The following RAB2A variants were observed in gnomAD, a reference collection of about 807,000 sequenced individuals.
RAB2A encodes RAB2A, member RAS oncogene family.
Under a neutral mutation model 32.5 loss-of-function variants are expected in RAB2A, and 7 were observed. The ratio of observed to expected loss-of-function variants is 0.22; its 90% CI spans 0.12 to 0.40. RAB2A has a LOEUF of 0.40. Ranked by LOEUF, RAB2A falls within the 10% of genes least tolerant of loss-of-function variation. The probability of loss-of-function intolerance (pLI) is 1.00; values close to 1 mark genes in which losing one functional copy is unlikely to be tolerated. For missense variants in RAB2A, 108 were observed against 260.7 expected, an observed-to-expected ratio of 0.41 and a Z score of 4.03; for synonymous variants, 79 against 85.2, an observed-to-expected ratio of 0.93 and a Z score of 0.40.
chr8:60,576,441 C>A lies in RAB2A; in HGVS notation c.186+4328C>A, dbSNP rs1316275223. The A allele has an allele frequency of 1.5e-5, 5 of 329,144 alleles. No homozygotes were observed. The Admixed American group carries it at 1.6e-4, about 10-fold the overall frequency. 20.4% of individuals were successfully genotyped at this position (329,144 alleles called of 1,614,324 possible). ...AATACATTTGATTTCCCAGCCCCTCCAAAAAAAATTGTAATATGGATGTTT... is the reference window on the plus strand; with the variant it reads ...AATACATTTGATTTCCCAGCCCCTCAAAAAAAAATTGTAATATGGATGTTT... On this transcript the variant is annotated intron_variant, in intron 3 of 7. Transcript: ENST00000262646.
chr8:60,531,889 G>A (rs547705725), intron 1 of RAB2A, among the ~76,000 whole-genome samples: 21 of 149,322 alleles, frequency 1.4e-4, no homozygotes, highest in Middle Eastern at 3.5e-3. Flanking sequence ...TGCAACCTCT[G>A]CCTCCTGGGT....
At chr8:60,519,149 ACTGTTATAGT>A (rs1369610207) in intron 1 of RAB2A, among the ~76,000 whole-genome samples, 2 of 3,700 alleles carry the variant, frequency 5.4e-4, no homozygotes, top group Non-Finnish European at 7.9e-4. Context: ...AATTCTTGAC[ACTGTTATAGT>A]CTGCAGCAGT....
chr8:60,574,267 G>C (rs1808237579), intron 3 of RAB2A, among the ~76,000 whole-genome samples: 1 of 152,142 alleles, frequency 6.6e-6, no homozygotes, highest in South Asian at 2.1e-4. Flanking sequence ...CACTGTCATA[G>C]CTTTTTGTTT....
chr8:60,548,038 G>A (rs1282445679), intron 1 of RAB2A, among the ~76,000 whole-genome samples: 2 of 12,428 alleles, frequency 1.6e-4, no homozygotes, highest in Non-Finnish European at 5.2e-4. Flanking sequence ...CGGACGGGGC[G>A]GCTGGCCGGG....
intron 6 of RAB2A, among the ~76,000 whole-genome samples, chr8:60,597,543 G>T (rs1238768175): frequency 1.3e-5 from 2 of 151,992 alleles, no homozygotes; most frequent in African/African-American, 4.8e-5. Context: ...ATATACCTAT[G>T]TAACAAATCT....
rs372036532 is a variant in RAB2A at position 60,559,310 on chromosome 8, C to A, written c.118+387C>A. The A allele has an allele frequency of 5.0e-5, 10 of 199,856 alleles. No homozygotes were observed. The East Asian group carries it at 8.3e-4, about 17-fold the overall frequency. The allele number at this position is 199,856 out of a possible 1,614,324, so 12.4% of individuals were successfully genotyped here. On this transcript the variant is annotated intron_variant, in intron 2 of 7. Transcript: ENST00000262646. ...CCGTTTCATGTCTCAGTTTCTCTTT[C>A]TGTTCAATGAGAGTAGTAGTACCAA...
At chr8:60,567,257 A>C (rs147445594) in intron 2 of RAB2A, among the ~76,000 whole-genome samples, 21 of 152,116 alleles carry the variant, frequency 1.4e-4, no homozygotes, top group Middle Eastern at 3.4e-3. Flanking sequence ...CTGGAATTAG[A>C]GGCACGTACC....
intron 1 of RAB2A, among the ~76,000 whole-genome samples, chr8:60,549,376 G>A (rs552849025): frequency 3.9e-5 from 6 of 152,304 alleles, no homozygotes; most frequent in African/African-American, 1.4e-4. Flanking sequence ...ACGAGACTCC[G>A]TCTGCAATCC....
At position 60,621,917 on chromosome 8, in the gene RAB2A, T is replaced by C. The variant is rs1804535550; in HGVS notation, c.*1148T>C. ...AGCTTTAGTAATTTACTCAGTGTGG[T>C]GGTTTTATCCTTTTTTTCTTTTTCT... is the stretch of plus-strand genomic sequence containing the variant. On this transcript the variant is annotated 3_prime_UTR_variant, in exon 8 of 8. Transcript: ENST00000262646. 1 of 152,188 alleles carries C rather than the reference T, an allele frequency of 6.6e-6. No homozygotes were observed. The highest frequency in any genetic ancestry group is 1.5e-5 in the Non-Finnish European group (1 of 68,026). 9.4% of individuals were successfully genotyped at this position (152,188 alleles called of 1,614,324 possible). A position where few individuals can be genotyped will look rare whatever the true frequency, so the allele number is the denominator to read the frequency against.
chr8:60,554,301 GA>G (rs936131617), intron 1 of RAB2A, among the ~76,000 whole-genome samples: 1 of 152,194 alleles, frequency 6.6e-6, no homozygotes, highest in African/African-American at 2.4e-5. Context: ...CTTGCAGAGA[GA>G]ATTGATGAGA....
chr8:60,597,899 G>A (rs1162974637), intron 6 of RAB2A, among the ~76,000 whole-genome samples: 1 of 151,242 alleles, frequency 6.6e-6, no homozygotes, highest in African/African-American at 2.5e-5. Flanking sequence ...GGAATGCTGT[G>A]AATAGCTTTA....
intron 6 of RAB2A, among the ~76,000 whole-genome samples, chr8:60,608,738 T>C (rs1247426202): frequency 6.6e-6 from 1 of 152,134 alleles, no homozygotes; most frequent in African/African-American, 2.4e-5. Context: ...CCCTGACAGC[T>C]GCTGCCTAGA....
At chr8:60,558,543 A>AG (rs1310512818) in intron 1 of RAB2A, 1 of 497,918 alleles carries the variant, frequency 2.0e-6, no homozygotes, top group Non-Finnish European at 3.9e-6. Flanking sequence ...GTGCACAAAA[A>AG]CAGTACTGTA....
At chr8:60,603,867 CAGAA>C (rs889227682) in intron 6 of RAB2A, among the ~76,000 whole-genome samples, 6 of 151,700 alleles carry the variant, frequency 4.0e-5, no homozygotes, top group African/African-American at 9.7e-5. Context: ...TTTAAAAAGA[CAGAA>C]AGAGAGGGAG....
intron 5 of RAB2A, among the ~76,000 whole-genome samples, chr8:60,590,887 G>A (rs1803931885): frequency 6.6e-6 from 1 of 151,538 alleles, no homozygotes; most frequent in Admixed American, 6.6e-5. Context: ...AAACATGCAT[G>A]AGAATGAAAA....
At chr8:60,582,991 G>C (rs934734850) in intron 3 of RAB2A, among the ~76,000 whole-genome samples, 1 of 151,326 alleles carries the variant, frequency 6.6e-6, no homozygotes, top group African/African-American at 2.4e-5. Flanking sequence ...CTGAATGCCT[G>C]CTATATGCCG....
At chr8:60,611,871 G>T (rs116828633) in intron 6 of RAB2A, among the ~76,000 whole-genome samples, 1 of 152,164 alleles carries the variant, frequency 6.6e-6, no homozygotes, top group Admixed American at 6.5e-5. Context: ...CAATATTTAT[G>T]ATTTTTAAAA....
At chr8:60,610,738 A>G (rs919799245) in intron 6 of RAB2A, among the ~76,000 whole-genome samples, 1 of 152,146 alleles carries the variant, frequency 6.6e-6, no homozygotes, top group Admixed American at 6.5e-5. Context: ...AGTTGCATCC[A>G]TTTTCTGTAC....
At chr8:60,602,900 G>C (rs1804158922) in intron 6 of RAB2A, among the ~76,000 whole-genome samples, 1 of 152,178 alleles carries the variant, frequency 6.6e-6, no homozygotes, top group Non-Finnish European at 1.5e-5. Flanking sequence ...CTATGGGAGA[G>C]GCGGTTTAGC....
Sources: allele counts gnomAD v4.1 joint callset (sites outside exome capture counted in the v4.1 genomes callset), GRCh38; gene constraint gnomAD v4.1.1; transcripts MANE v1.5; gene names NCBI Gene and HGNC (gene_info 2026-07-23, HGNC 2026-07-21).